CLCN3: variants seen among roughly 807,000 people sequenced by gnomAD.
The protein encoded by CLCN3 is Cl-/H+ antiporter 3.
In CLCN3, 16 loss-of-function variants were observed where a neutral mutation model predicts 83.4. The ratio of observed to expected loss-of-function variants is 0.19; its 90% CI spans 0.13 to 0.29. The LOEUF is 0.29. Among genes scored for constraint, CLCN3 ranks in the 10% least tolerant of loss-of-function variants. The pLI is 1.00. For missense variants in CLCN3, 544 were observed against 1,006.0 expected (o/e 0.54, Z 6.21); for synonymous variants, 322 against 346.2 (o/e 0.93, Z 0.78).
chr4:169,637,169 T>G (rs1231586150), intron 2 of CLCN3, among the ~76,000 whole-genome samples: 1 of 152,226 alleles, frequency 6.6e-6, no homozygotes, highest in African/African-American at 2.4e-5. Context: ...GATTGCCTCT[T>G]TTAAAGCACC....
chr4:169,692,413 C>A lies in CLCN3; in HGVS notation c.936+93C>A, dbSNP rs1581256567. On this transcript the variant is annotated intron_variant, in intron 7 of 12. Coordinates refer to ENST00000513761, the MANE Select transcript of CLCN3 (RefSeq NM_001829.4). ...TTTCTTAGTGTAAAAATAATAAATT[C>A]TGTATTCAGATAAAAAATTTTGAGA... 5.5e-6 allele frequency: 3 copies of A among 545,346 alleles called. No individual in the cohort carries two copies. The East Asian group carries it at 1.2e-4, about 21-fold the overall frequency. 33.8% of individuals were successfully genotyped at this position (545,346 alleles called of 1,614,324 possible).
chr4:169,708,618 G>A (rs1345139986), intron 11 of CLCN3, among the ~76,000 whole-genome samples: 3 of 152,032 alleles, frequency 2.0e-5, no homozygotes, highest in Non-Finnish European at 2.9e-5. Flanking sequence ...TCAGAATTTC[G>A]GTATTTACAT....
At chr4:169,698,174 T>C (rs942982216) in intron 9 of CLCN3, among the ~76,000 whole-genome samples, 3 of 152,178 alleles carry the variant, frequency 2.0e-5, no homozygotes, top group Non-Finnish European at 4.4e-5. Flanking sequence ...AGGCATGGAG[T>C]GCATAATAAT....
chr4:169,651,675 A>G (rs1315040386), intron 2 of CLCN3, among the ~76,000 whole-genome samples: 2 of 152,216 alleles, frequency 1.3e-5, no homozygotes, highest in East Asian at 1.9e-4. Flanking sequence ...AAGCCTGTTC[A>G]TGTTCAGTAC....
intron 2 of CLCN3, among the ~76,000 whole-genome samples, chr4:169,672,732 C>T (rs1326955295): frequency 9.9e-5 from 15 of 152,086 alleles, no homozygotes; most frequent in Non-Finnish European, 1.6e-4. Flanking sequence ...GGTGCAATCT[C>T]GGCTCACTGC....
intron 6 of CLCN3, among the ~76,000 whole-genome samples, chr4:169,691,803 T>C (rs1472250756): frequency 6.6e-6 from 1 of 152,120 alleles, no homozygotes; most frequent in Non-Finnish European, 1.5e-5. Flanking sequence ...AAATTTGCCC[T>C]TTTTTTGGTT....
chr4:169,719,391 G>A (rs1733547444), intron 12 of CLCN3, among the ~76,000 whole-genome samples: 1 of 152,228 alleles, frequency 6.6e-6, no homozygotes, highest in Admixed American at 6.5e-5. Flanking sequence ...GGGGACCCAG[G>A]AGGCGGAGGT....
chr4:169,678,353 T>C (rs1731764744), intron 2 of CLCN3, among the ~76,000 whole-genome samples: 1 of 152,222 alleles, frequency 6.6e-6, no homozygotes, highest in South Asian at 2.1e-4. Flanking sequence ...TTCCAAGTTT[T>C]GGATAATTTT....
chr4:169,706,299 T>A (rs1732992723), intron 10 of CLCN3, among the ~76,000 whole-genome samples: 1 of 152,110 alleles, frequency 6.6e-6, no homozygotes, highest in Admixed American at 6.5e-5. Context: ...CCTCCCAAAG[T>A]GATTACAGGC....
intron 9 of CLCN3, among the ~76,000 whole-genome samples, chr4:169,702,045 G>A (rs941316640): frequency 3.3e-5 from 5 of 152,168 alleles, no homozygotes. Context: ...GTGCATGCTT[G>A]AGCCCACTCA....
intron 2 of CLCN3, among the ~76,000 whole-genome samples, chr4:169,658,162 G>T (rs1008858194): frequency 2.0e-5 from 3 of 151,868 alleles, no homozygotes; most frequent in Non-Finnish European, 4.4e-5. Flanking sequence ...TCTACCTTAT[G>T]TCTCAGTGAT....
chr4:169,697,604 T>C lies in CLCN3; in HGVS notation c.1433T>C (p.Met478Thr). The change falls in exon 9 of 13, where the codon ATG (methionine) becomes ACG (threonine). Residue 478 changes from methionine (M) to threonine (T), a missense_variant. Transcript: ENST00000513761. Reference sequence around the variant, plus strand: ...TCTCTTTGTGACTACAGAAATGACATGAATGCCAGTAAAATTGTCGATGAC... The same window carrying C: ...TCTCTTTGTGACTACAGAAATGACACGAATGCCAGTAAAATTGTCGATGAC... ...SSSLCDYRND[M>T]NASKIVDDIP... The C allele has an allele frequency of 6.2e-7, 1 of 1,614,192 alleles. No individual in the cohort carries two copies. Among genetic ancestry groups the C allele is most frequent in the South Asian group, 1.1e-5 (1 of 91,084 alleles).
chr4:169,714,452 G>T (rs2062610), intron 12 of CLCN3, among the ~76,000 whole-genome samples: 152,227 of 152,234 alleles, frequency 1, 76,110 homozygotes, highest in Non-Finnish European at 1. Flanking sequence ...GGTAGTTATA[G>T]CCCTACTTTA....
intron 7 of CLCN3, among the ~76,000 whole-genome samples, chr4:169,693,920 TC>T (rs1732464238): frequency 6.6e-6 from 1 of 152,252 alleles, no homozygotes; most frequent in Admixed American, 6.5e-5. Context: ...AGCATTAAGG[TC>T]CCATAGTTTT....
At chr4:169,660,000 T>C in intron 2 of CLCN3, 5 of 936,014 alleles carry the variant, frequency 5.3e-6, no homozygotes, top group Non-Finnish European at 6.4e-6. Flanking sequence ...TTCTATTGTT[T>C]TACTGTAGTT....
intron 11 of CLCN3, 105 bp from the exon 12 acceptor site, chr4:169,712,974 T>A (rs1477777085): frequency 3.9e-6 from 3 of 774,248 alleles, no homozygotes; most frequent in Non-Finnish European, 6.5e-6. Flanking sequence ...AATGAAGGGA[T>A]CAGAAGTCAT....
At chr4:169,650,102 A>G (rs1035859924) in intron 2 of CLCN3, among the ~76,000 whole-genome samples, 3 of 152,098 alleles carry the variant, frequency 2.0e-5, no homozygotes, top group Non-Finnish European at 4.4e-5. Context: ...GAAAAAAAAA[A>G]TGAGTGGTGG....
chr4:169,690,419 A>G, intron 5 of CLCN3, 111 bp from the exon 6 acceptor site: 1 of 1,096,820 alleles, frequency 9.1e-7, no homozygotes, highest in South Asian at 1.6e-5. Flanking sequence ...TGCTGGGATT[A>G]CAGGCGTGAG....
chr4:169,660,043 G>A (rs1466707246), intron 2 of CLCN3: 1 of 1,003,836 alleles, frequency 1.0e-6, no homozygotes, highest in Non-Finnish European at 1.2e-6. Flanking sequence ...TATTGTGAGT[G>A]TTTCAAAATT....
Sources: allele counts gnomAD v4.1 joint callset (sites outside exome capture counted in the v4.1 genomes callset), GRCh38; gene constraint gnomAD v4.1.1; transcripts MANE v1.5; gene names NCBI Gene and HGNC (gene_info 2026-07-23, HGNC 2026-07-21).